NLRP14: variants seen among roughly 807,000 people sequenced by gnomAD.
NLRP14 encodes the protein NACHT, LRR and PYD domains-containing protein 14.
NLRP14 carries 105 observed loss-of-function variants against 94.7 expected under a neutral mutation model. That is an observed-to-expected ratio of 1.11 (90% confidence interval 0.95 to 1.30). The LOEUF is 1.30. NLRP14 is among the 50% of genes most tolerant of loss of function. NLRP14 has a pLI of 0.00. For missense variants in NLRP14, 1,362 were observed against 1,254.1 expected (o/e 1.09, Z -1.30); for synonymous variants, 508 against 459.9 (o/e 1.10, Z -1.34).
chr11:7,042,495 A>G lies in NLRP14; in HGVS notation c.469A>G (p.Lys157Glu). 6.2e-7 allele frequency: 1 copy of G among 1,614,168 alleles called. No homozygotes were observed. The highest frequency in any genetic ancestry group is 8.5e-7 in the Non-Finnish European group (1 of 1,179,950). The change falls in exon 4 of 12, where the codon AAA becomes GAA. Residue 157 changes from lysine to glutamate, a missense_variant. Lys to Glu is a moderately conservative substitution (Grantham distance 56, BLOSUM62 1). Transcript: ENST00000299481. ...PEDFHHGIAE[K>E]DRKLLEHLFD... ...AGATTTCCATCATGGAATTGCAGAG[A>G]AAGATAGAAAACTGTTGGAACACTT...
chr11:7,040,228 C>A (rs2119605477), intron 3 of NLRP14, among the ~76,000 whole-genome samples: 1 of 152,296 alleles, frequency 6.6e-6, no homozygotes, highest in East Asian at 1.9e-4. Flanking sequence ...TCCCCAACTC[C>A]TGGGCCACAG....
At chr11:7,054,497 T>G (rs1852491679) in intron 6 of NLRP14, among the ~76,000 whole-genome samples, 1 of 152,170 alleles carries the variant, frequency 6.6e-6, no homozygotes, top group Non-Finnish European at 1.5e-5. Context: ...GGATAGGTCA[T>G]TTTTACTGGA....
intron 1 of NLRP14, among the ~76,000 whole-genome samples, chr11:7,028,426 C>A (rs747754588): frequency 6.6e-6 from 1 of 152,182 alleles, no homozygotes; most frequent in Non-Finnish European, 1.5e-5. Context: ...CCCTAGACAT[C>A]ATTTTCTCTC....
chr11:7,050,557 G>C (rs757531843), intron 6 of NLRP14, among the ~76,000 whole-genome samples: 2 of 152,144 alleles, frequency 1.3e-5, no homozygotes, highest in African/African-American at 4.8e-5. Context: ...GTTTTTATAA[G>C]CCCTGGACTC....
chr11:7,026,854 T>C (rs1199178241), intron 1 of NLRP14, among the ~76,000 whole-genome samples: 1 of 151,462 alleles, frequency 6.6e-6, no homozygotes, highest in African/African-American at 2.4e-5. Context: ...GAGATATACC[T>C]AATGCTAAAT....
rs1336993877 is a variant in NLRP14, at chr11:7,020,493, G to T, written c.-299G>T. 1.3e-5 allele frequency: 2 copies of T among 152,370 alleles called. No individual in the cohort carries two copies. Among genetic ancestry groups the T allele is most frequent in the South Asian group, 2.1e-4 (1 of 4,834 alleles). The allele number at this position is 152,370 out of a possible 1,614,324, so 9.4% of individuals were successfully genotyped here. A position where few individuals can be genotyped will look rare whatever the true frequency, so the allele number is the denominator to read the frequency against. ...TGGCCGCTGGCATTCCTGCGCGGGC[G>T]GGAGCTGCGGGCGCTCGGGGGATAA... On this transcript the variant is annotated 5_prime_UTR_variant, in exon 1 of 12. Transcript: ENST00000299481.
chr11:7,090,096 T>C, the NLRP14 span: 1 of 1,611,944 alleles, frequency 6.2e-7, no homozygotes, highest in Non-Finnish European at 8.5e-7. Context: ...CCGCGACAGT[T>C]ACAGCAGCAG....
At chr11:7,086,444 C>T in the NLRP14 span, among the ~76,000 whole-genome samples, 1 of 152,214 alleles carries the variant, frequency 6.6e-6, no homozygotes, top group East Asian at 1.9e-4. Context: ...TTTGTGCATC[C>T]TAGCACTTCA....
intron 3 of NLRP14, among the ~76,000 whole-genome samples, chr11:7,041,234 T>G (rs1852243410): frequency 6.6e-6 from 1 of 152,188 alleles, no homozygotes; most frequent in Admixed American, 6.5e-5. Flanking sequence ...TGTTTATGTT[T>G]TATCTTTGTT....
intron 1 of NLRP14, among the ~76,000 whole-genome samples, chr11:7,034,310 T>G (rs1852133920): frequency 6.6e-6 from 1 of 152,210 alleles, no homozygotes; most frequent in South Asian, 2.1e-4. Context: ...CTTTCTGGTT[T>G]TATCTTAGGT....
At chr11:7,032,193 A>T (rs987560629) in intron 1 of NLRP14, among the ~76,000 whole-genome samples, 1 of 152,234 alleles carries the variant, frequency 6.6e-6, no homozygotes, top group African/African-American at 2.4e-5. Flanking sequence ...GTTTTGAGTT[A>T]GGACAATTTG....
rs966726226 is a variant in NLRP14 at position 7,049,773 on chromosome 11, G to A, written c.2226G>A (p.Gly742=). The change falls in exon 6 of 12, where the codon GGG becomes GGA. Residue 742 remains glycine (G), a synonymous_variant. Coordinates refer to ENST00000299481, the MANE Select transcript of NLRP14 (RefSeq NM_176822.4). Reference sequence around the variant, plus strand: ...TTGACCTAAAAGGGAGTGATATAGGGGATAATGGAGTAAAGTCATTGTGTG... The same window carrying A: ...TTGACCTAAAAGGGAGTGATATAGGAGATAATGGAGTAAAGTCATTGTGTG... ...MHLDLKGSDI[G]DNGVKSLCEA... The A allele has an allele frequency of 3.1e-6, 5 of 1,610,090 alleles. No homozygotes were observed. In the African/African-American group the frequency reaches 6.7e-5, roughly 22 times the overall value.
chr11:7,050,598 G>A (rs1339964756), intron 6 of NLRP14, among the ~76,000 whole-genome samples: 1 of 152,202 alleles, frequency 6.6e-6, no homozygotes, highest in Non-Finnish European at 1.5e-5. Flanking sequence ...GAAGCTTGAT[G>A]CATGAAGGGC....
intron 1 of NLRP14, among the ~76,000 whole-genome samples, chr11:7,037,655 A>AG (rs1852179351): frequency 6.6e-6 from 1 of 152,212 alleles, no homozygotes. Flanking sequence ...ATGGCTGATG[A>AG]GGGGTAAACG....
chr11:7,027,871 C>G (rs1402042769), intron 1 of NLRP14, among the ~76,000 whole-genome samples: 1 of 152,122 alleles, frequency 6.6e-6, no homozygotes, highest in Non-Finnish European at 1.5e-5. Flanking sequence ...CTCTTTCTAC[C>G]TTGAAACATT....
chr11:7,062,355 A>AATGC lies in NLRP14; in HGVS notation c.2831_2834dup (p.Cys946MetfsTer12). ...CAGATTGATGGGCTGTGTTCTCACT[A>AATGC]ATGCATGTTGTCTGGATCTGGCTTC... On this transcript the variant is annotated frameshift_variant, in exon 10 of 12. Transcript: ENST00000299481. LOFTEE classifies it high-confidence loss of function. 1 of 1,612,884 alleles carries AATGC rather than the reference A, an allele frequency of 6.2e-7. No homozygotes were observed. The highest frequency in any genetic ancestry group is 1.7e-5 in the Admixed American group (1 of 59,936).
the NLRP14 span, among the ~76,000 whole-genome samples, chr11:7,084,880 G>T: frequency 6.6e-6 from 1 of 152,096 alleles, no homozygotes; most frequent in African/African-American, 2.4e-5. Context: ...TGAAGTTGGG[G>T]GTAATCTTGT....
Position 7,071,268 on chromosome 11 carries a change from A to G in NLRP14, c.3242A>G (p.Tyr1081Cys), listed in dbSNP as rs1420832994. ...TTAATCATTAAGCCAGATTGTAACT[A>G]TCATAATGAAGAAGATGTGTCTTGG... The part of the protein sequence containing the change: ...PHLIIKPDCN[Y>C]HNEEDVSWWW... Residue 1081 changes from tyrosine to cysteine, a missense_variant, in exon 12 of 12, where the codon TAT becomes TGT. Transcript: ENST00000299481. 6.2e-6 allele frequency: 10 copies of G among 1,613,244 alleles called. No homozygotes were observed. Among genetic ancestry groups the G allele is most frequent in the East Asian group, 4.5e-5 (2 of 44,832 alleles).
the NLRP14 span, chr11:7,090,378 A>G: frequency 6.9e-7 from 1 of 1,447,814 alleles, no homozygotes; most frequent in Non-Finnish European, 9.5e-7. Flanking sequence ...GTAACTACCC[A>G]AGGACTAGTA....
Sources: allele counts gnomAD v4.1 joint callset (sites outside exome capture counted in the v4.1 genomes callset), GRCh38; gene constraint gnomAD v4.1.1; transcripts MANE v1.5; gene names NCBI Gene and HGNC (gene_info 2026-07-23, HGNC 2026-07-21).